Variants in TMPRSS4 observed in about 807,000 individuals in gnomAD.
The protein encoded by TMPRSS4 is transmembrane serine protease 4.
TMPRSS4 carries 45 observed loss-of-function variants against 56.4 expected under a neutral mutation model. The observed-to-expected ratio is 0.80, with a 90% confidence interval of 0.63 to 1.02. The LOEUF is 1.02. Among genes scored for constraint, TMPRSS4 ranks in the 50% least tolerant of loss-of-function variants. The pLI is 0.00. For synonymous variants in TMPRSS4, 205 were observed against 211.0 expected (o/e 0.97, Z 0.25); for missense variants, 546 against 556.7 (o/e 0.98, Z 0.19).
intron 1 of TMPRSS4, among the ~76,000 whole-genome samples, chr11:118,084,730 A>AGGC (rs1380284031): frequency 6.6e-6 from 1 of 152,240 alleles, no homozygotes; most frequent in Non-Finnish European, 1.5e-5. Flanking sequence ...GCACCAAGCC[A>AGGC]GGCACATCAC....
At chr11:118,100,176 C>G (rs1946664458) in intron 3 of TMPRSS4, among the ~76,000 whole-genome samples, 1 of 152,168 alleles carries the variant, frequency 6.6e-6, no homozygotes, top group South Asian at 2.1e-4. Context: ...TCCTTCCTCC[C>G]TCAGAGCGAT....
In TMPRSS4 at chr11:118,113,376, T is replaced by C. The variant is rs1402384718; in HGVS notation, c.851T>C (p.Met284Thr). Residue 284 changes from methionine to threonine, a missense_variant, in exon 9 of 13, where the codon ATG (methionine) becomes ACG (threonine). By Grantham distance (81) the Met-to-Thr change is moderately conservative (BLOSUM62 -1). Coordinates refer to ENST00000437212, the MANE Select transcript of TMPRSS4 (RefSeq NM_019894.4). ...AKIIIIEFNPMYPKDNDIALM... is the reference protein window; with the variant it reads ...AKIIIIEFNPTYPKDNDIALM... The stretch of plus-strand genomic sequence containing the variant: ...ATCATCATCATTGAATTCAACCCCA[T>C]GTACCCCAAAGACAATGACATCGCC... 3.1e-6 allele frequency: 5 copies of C among 1,614,160 alleles called. No individual in the cohort carries two copies. The highest frequency in any genetic ancestry group is 2.2e-5 in the East Asian group (1 of 44,878).
Position 118,103,041 on chromosome 11 carries a change from G to A in TMPRSS4, c.158-60G>A, listed in dbSNP as rs1946797911. 24 of 1,591,084 alleles carry A rather than the reference G, an allele frequency of 1.5e-5. No individual in the cohort carries two copies. In the East Asian group the frequency reaches 1.8e-4, roughly 12 times the overall value. ...AGCACTATCGCCAGGAAAACCCAGCGTCTCCCTGCTCAAGCCTGACCCTCA... is the reference window on the plus strand; with the variant it reads ...AGCACTATCGCCAGGAAAACCCAGCATCTCCCTGCTCAAGCCTGACCCTCA... On this transcript the variant is annotated intron_variant, in intron 3 of 12. Transcript: ENST00000437212.
At chr11:118,090,218 G>A (rs1454073143) in intron 1 of TMPRSS4, among the ~76,000 whole-genome samples, 1 of 152,160 alleles carries the variant, frequency 6.6e-6, no homozygotes, top group Non-Finnish European at 1.5e-5. Context: ...GAATATACCA[G>A]TCAGGTTCGT....
intron 1 of TMPRSS4, among the ~76,000 whole-genome samples, chr11:118,091,990 T>G (rs1946002843): frequency 6.6e-6 from 1 of 152,168 alleles, no homozygotes; most frequent in Non-Finnish European, 1.5e-5. Context: ...ATTAAGTTTT[T>G]ACTAGGTACT....
chr11:118,082,890 T>G (rs1945258768), intron 1 of TMPRSS4, among the ~76,000 whole-genome samples: 1 of 152,046 alleles, frequency 6.6e-6, no homozygotes, highest in Admixed American at 6.6e-5. Flanking sequence ...ACCTTAGAGG[T>G]CTTCTCGGCG....
chr11:118,077,269 G>A lies in TMPRSS4; in HGVS notation c.-34G>A, dbSNP rs752724611. The A allele has an allele frequency of 2.5e-6, 4 of 1,597,018 alleles. 1 individual carries two copies. The South Asian group carries it at 4.6e-5, about 18-fold the overall frequency. ...CTTGGGGTGACAATCTCAGCTCCAG[G>A]CTACAGGGAGACCGGGAGGATCACA... On this transcript the variant is annotated 5_prime_UTR_variant, in exon 1 of 13. Transcript: ENST00000437212.
chr11:118,099,364 T>C (rs958789340), intron 3 of TMPRSS4, among the ~76,000 whole-genome samples: 1 of 149,888 alleles, frequency 6.7e-6, no homozygotes, highest in Admixed American at 6.7e-5. Flanking sequence ...GGGCAGGTGA[T>C]CTGCATAAAG....
chr11:118,108,324 A>G, intron 6 of TMPRSS4: 1 of 169,830 alleles, frequency 5.9e-6, no homozygotes, highest in Non-Finnish European at 1.3e-5. Flanking sequence ...CCTGTTCCTG[A>G]GCCTCGCCAC....
At chr11:118,085,701 C>T (rs1945494462) in intron 1 of TMPRSS4, among the ~76,000 whole-genome samples, 1 of 152,226 alleles carries the variant, frequency 6.6e-6, no homozygotes, top group African/African-American at 2.4e-5. Context: ...CAATGGCAAA[C>T]CCATGAGGGT....
intron 8 of TMPRSS4, 110 bp from the exon 9 acceptor site, chr11:118,113,159 C>G: frequency 9.0e-7 from 1 of 1,106,756 alleles, no homozygotes; most frequent in East Asian, 2.5e-5. Flanking sequence ...ATCTTTCCTC[C>G]CAAGGCAGTG....
At chr11:118,090,807 CACACACACACACAA>C (rs1399600196) in intron 1 of TMPRSS4, among the ~76,000 whole-genome samples, 3 of 144,904 alleles carry the variant, frequency 2.1e-5, no homozygotes. Flanking sequence ...CACTCTGTCA[CACACACACACACAA>C]ACACACACAC....
chr11:118,123,796 T>C (rs1222206248), downstream of TMPRSS4, among the ~76,000 whole-genome samples: 6 of 151,996 alleles, frequency 3.9e-5, no homozygotes, highest in Admixed American at 3.9e-4. Flanking sequence ...AGTGCTGGGA[T>C]TACAGGGGTG....
At chr11:118,107,701 G>T in intron 5 of TMPRSS4, 73 bp from the exon 6 acceptor site, 1 of 1,304,480 alleles carries the variant, frequency 7.7e-7, no homozygotes, top group Non-Finnish European at 1.1e-6. Flanking sequence ...CCTGAAAGTG[G>T]GGGCCAACTC....
Position 118,117,925 on chromosome 11 carries a change from C to G in TMPRSS4, c.*12C>G. The stretch of plus-strand genomic sequence containing the variant: ...AGGCTGAGCTGTAATGCTGCTGCCC[C>G]TTTGCAGTGCTGGGAGCCGCTTCCT... On this transcript the variant is annotated 3_prime_UTR_variant, in exon 13 of 13. Transcript: ENST00000437212. The G allele has an allele frequency of 6.2e-7, 1 of 1,613,120 alleles. No homozygotes were observed. The highest frequency in any genetic ancestry group is 8.5e-7 in the Non-Finnish European group (1 of 1,180,038).
At position 118,121,687 on chromosome 11, in the gene TMPRSS4, T is replaced by A. The variant is rs1475549429; in HGVS notation, c.*3774T>A. 1 of 152,020 alleles carries A rather than the reference T, an allele frequency of 6.6e-6. No homozygotes were observed. Among genetic ancestry groups the A allele is most frequent in the Non-Finnish European group, 1.5e-5 (1 of 67,978 alleles). 9.4% of individuals were successfully genotyped at this position (152,020 alleles called of 1,614,324 possible). On this transcript the variant is annotated 3_prime_UTR_variant, in exon 13 of 13. Transcript: ENST00000437212. ...CAATAATATTTATTTTGTGGGTTAA[T>A]TTTTTTTGAAACAGATATTGAATTT...
intron 1 of TMPRSS4, among the ~76,000 whole-genome samples, chr11:118,090,045 A>C (rs1473324802): frequency 6.6e-6 from 1 of 152,010 alleles, no homozygotes; most frequent in African/African-American, 2.4e-5. Context: ...GGGTTTCACC[A>C]TGTTGGCCAG....
chr11:118,124,438 GA>G (rs993948339), downstream of TMPRSS4, among the ~76,000 whole-genome samples: 14 of 151,914 alleles, frequency 9.2e-5, no homozygotes, highest in South Asian at 2.1e-4. Flanking sequence ...ACTTCAGGAG[GA>G]AAAAAAACTG....
chr11:118,099,974 G>A (rs11216748), intron 3 of TMPRSS4, among the ~76,000 whole-genome samples: 42,469 of 151,726 alleles, frequency 0.28, 6,443 homozygotes, highest in Middle Eastern at 0.34. Flanking sequence ...TGATGGAGTC[G>A]TTGCCTTTGT....
Sources: gnomAD v4.1 joint callset for allele counts (sites outside exome capture counted in the v4.1 genomes callset) on GRCh38, gnomAD v4.1.1 for gene constraint, MANE v1.5 for transcripts, NCBI Gene and HGNC (gene_info 2026-07-23, HGNC 2026-07-21) for gene names.